The following UPP2 variants were observed in gnomAD, a reference collection of about 807,000 sequenced individuals.
The protein encoded by UPP2 is UPase 2.
Under a neutral mutation model 26.7 loss-of-function variants are expected in UPP2, and 23 were observed. That is an observed-to-expected ratio of 0.86 (90% confidence interval 0.62 to 1.22). UPP2 has a LOEUF of 1.22. UPP2 is among the 50% of genes most tolerant of loss of function. UPP2 has a pLI of 0.00. For missense variants in UPP2, 387 were observed against 396.7 expected (o/e 0.98, Z 0.21); for synonymous variants, 127 against 141.3 (o/e 0.90, Z 0.72).
Position 158,134,969 on chromosome 2 carries a change from G to T in UPP2, c.*79G>T. 1 of 1,476,322 alleles carries T rather than the reference G, an allele frequency of 6.8e-7. No homozygotes were observed. Among genetic ancestry groups the T allele is most frequent in the East Asian group, 2.4e-5 (1 of 40,860 alleles). 91.5% of individuals were successfully genotyped at this position (1,476,322 alleles called of 1,614,324 possible). A position where few individuals can be genotyped will look rare whatever the true frequency, so the allele number is the denominator to read the frequency against. ...AATGTGAAAGTCATATTTTATTTGTGGCATTTTTATATAGTTCTCATCCAC... is the reference window on the plus strand; with the variant it reads ...AATGTGAAAGTCATATTTTATTTGTTGCATTTTTATATAGTTCTCATCCAC... On this transcript the variant is annotated 3_prime_UTR_variant, in exon 7 of 7. Coordinates refer to ENST00000005756, the MANE Select transcript of UPP2 (RefSeq NM_173355.4).
intron 3 of UPP2, among the ~76,000 whole-genome samples, chr2:158,045,260 C>G (rs1253172193): frequency 6.6e-6 from 1 of 152,142 alleles, no homozygotes; most frequent in East Asian, 1.9e-4. Context: ...CCCTTTCTAT[C>G]TAATATGGCT....
intron 3 of UPP2, among the ~76,000 whole-genome samples, chr2:158,049,021 G>T (rs1362312888): frequency 6.6e-6 from 1 of 152,182 alleles, no homozygotes; most frequent in African/African-American, 2.4e-5. Context: ...CAGTGGGTGT[G>T]AGCCCTGACA....
At chr2:158,037,107 G>A (rs1401233669) in intron 3 of UPP2, among the ~76,000 whole-genome samples, 1 of 152,146 alleles carries the variant, frequency 6.6e-6, no homozygotes, top group African/African-American at 2.4e-5. Context: ...GGGTGTGGTG[G>A]CTCACACCTG....
chr2:158,121,895 T>C (rs1409755751), intron 5 of UPP2, among the ~76,000 whole-genome samples: 1 of 152,030 alleles, frequency 6.6e-6, no homozygotes, highest in Non-Finnish European at 1.5e-5. Flanking sequence ...TCTCTGTTTA[T>C]GCCTTTAACT....
chr2:158,087,096 C>T (rs540392647), intron 3 of UPP2, among the ~76,000 whole-genome samples: 7 of 152,166 alleles, frequency 4.6e-5, no homozygotes, highest in African/African-American at 1.7e-4. Context: ...ATTAAAGTCC[C>T]CCACTATTAA....
chr2:158,128,353 T>C (rs1361661366), intron 6 of UPP2, among the ~76,000 whole-genome samples: 1 of 152,212 alleles, frequency 6.6e-6, no homozygotes, highest in Non-Finnish European at 1.5e-5. Flanking sequence ...TGAAGGATAT[T>C]GGACTCTGAG....
chr2:158,089,929 G>A (rs1682880149), intron 3 of UPP2, among the ~76,000 whole-genome samples: 1 of 152,130 alleles, frequency 6.6e-6, no homozygotes, highest in African/African-American at 2.4e-5. Context: ...TTCTGCAGTA[G>A]TTCTTGAAGC....
intron 3 of UPP2, among the ~76,000 whole-genome samples, chr2:158,059,124 T>C (rs973031825): frequency 3.3e-5 from 5 of 152,228 alleles, no homozygotes; most frequent in African/African-American, 9.6e-5. Context: ...ATATCCATGT[T>C]CCATTGCCTG....
At chr2:157,999,610 A>G (rs1267229850) in intron 2 of UPP2, among the ~76,000 whole-genome samples, 1 of 152,224 alleles carries the variant, frequency 6.6e-6, no homozygotes, top group Non-Finnish European at 1.5e-5. Flanking sequence ...CATTCACCAC[A>G]TAATAACGTT....
At chr2:157,996,140 A>T (rs1405759652) in intron 2 of UPP2, among the ~76,000 whole-genome samples, 1 of 152,138 alleles carries the variant, frequency 6.6e-6, no homozygotes, top group African/African-American at 2.4e-5. Context: ...GGAACAGAAG[A>T]TGCCTTGCCA....
At chr2:158,066,334 C>T (rs927142092) in intron 3 of UPP2, among the ~76,000 whole-genome samples, 13 of 152,114 alleles carry the variant, frequency 8.5e-5, no homozygotes, top group African/African-American at 1.7e-4. Context: ...TGACCTTTCC[C>T]GAAATCATGC....
intron 6 of UPP2, among the ~76,000 whole-genome samples, chr2:158,125,360 A>G (rs1232389134): frequency 1.3e-5 from 2 of 152,112 alleles, no homozygotes; most frequent in Admixed American, 6.6e-5. Context: ...CTGTCAGAAT[A>G]TATGTACGTG....
chr2:158,081,207 C>G (rs1401728345), intron 3 of UPP2, among the ~76,000 whole-genome samples: 1 of 152,138 alleles, frequency 6.6e-6, no homozygotes, highest in African/African-American at 2.4e-5. Context: ...CTGCTTATGT[C>G]AAGTTTTACT....
intron 3 of UPP2, among the ~76,000 whole-genome samples, chr2:158,037,212 A>G (rs922901692): frequency 2.6e-4 from 39 of 150,478 alleles, no homozygotes; most frequent in Admixed American, 1.8e-3. Context: ...ATCTCTACTA[A>G]AAATACAAAA....
At chr2:158,087,585 G>C (rs138399421) in intron 3 of UPP2, among the ~76,000 whole-genome samples, 45 of 152,094 alleles carry the variant, frequency 3.0e-4, no homozygotes, top group African/African-American at 1.0e-3. Context: ...TTGTTATATA[G>C]ATCCTGTGAG....
intron 3 of UPP2, among the ~76,000 whole-genome samples, chr2:158,059,210 A>C (rs1433699357): frequency 6.6e-6 from 1 of 152,240 alleles, no homozygotes; most frequent in Non-Finnish European, 1.5e-5. Flanking sequence ...CAAGAAGTCC[A>C]AGCATGATGG....
chr2:158,128,158 T>C (rs763577841), intron 6 of UPP2: 14 of 340,252 alleles, frequency 4.1e-5, no homozygotes, highest in Non-Finnish European at 5.4e-5. Context: ...TCCTCTTCTA[T>C]GTCTAGTTGT....
At chr2:158,038,924 C>T (rs1429735099) in intron 3 of UPP2, among the ~76,000 whole-genome samples, 1 of 152,142 alleles carries the variant, frequency 6.6e-6, no homozygotes, top group Non-Finnish European at 1.5e-5. Flanking sequence ...TAATTTTCCC[C>T]ATGAGGGAAA....
chr2:158,051,305 T>C (rs1269804882), intron 3 of UPP2, among the ~76,000 whole-genome samples: 1 of 152,042 alleles, frequency 6.6e-6, no homozygotes, highest in African/African-American at 2.4e-5. Context: ...TACTTCATAA[T>C]TAAATTAACT....
Sources: allele counts gnomAD v4.1 joint callset (sites outside exome capture counted in the v4.1 genomes callset), GRCh38; gene constraint gnomAD v4.1.1; transcripts MANE v1.5; gene names NCBI Gene and HGNC (gene_info 2026-07-23, HGNC 2026-07-21).